Variants in SEC22A observed in about 807,000 individuals in gnomAD.
SEC22A encodes the protein SEC22 homolog A, vesicle trafficking protein, also known as vesicle-trafficking protein SEC22a.
Under a neutral mutation model 35.3 loss-of-function variants are expected in SEC22A, and 22 were observed. That is an observed-to-expected ratio of 0.62 (90% CI 0.45 to 0.89). SEC22A has a LOEUF of 0.89. SEC22A is among the 40% of genes least tolerant of loss of function. The pLI is 0.00. For synonymous variants in SEC22A, 119 were observed against 129.5 expected (o/e 0.92, Z 0.55); for missense variants, 354 against 362.5 (o/e 0.98, Z 0.19).
chr3:123,259,734 C>T, intron 6 of SEC22A, 145 bp downstream of exon 6: 1 of 655,904 alleles, frequency 1.5e-6, no homozygotes, highest in East Asian at 2.7e-5. Context: ...AACTTTGTGA[C>T]CTATGTCTCC....
chr3:123,268,369 T>C (rs749549054), intron 6 of SEC22A, among the ~76,000 whole-genome samples: 1 of 152,196 alleles, frequency 6.6e-6, no homozygotes, highest in Non-Finnish European at 1.5e-5. Flanking sequence ...CTGGGATATA[T>C]GAAGCAAAAA....
intron 6 of SEC22A, among the ~76,000 whole-genome samples, chr3:123,260,049 T>C (rs1291054160): frequency 7.0e-6 from 1 of 143,268 alleles, no homozygotes; most frequent in Non-Finnish European, 1.5e-5. Context: ...GGAGAATTGC[T>C]TGAACCCAGG....
chr3:123,204,353 A>G (rs749194941), intron 1 of SEC22A, among the ~76,000 whole-genome samples: 1 of 152,224 alleles, frequency 6.6e-6, no homozygotes, highest in Non-Finnish European at 1.5e-5. Flanking sequence ...TGGTACTTGG[A>G]TGACTGAAGA....
intron 5 of SEC22A, among the ~76,000 whole-genome samples, chr3:123,256,508 C>T (rs1937735578): frequency 1.3e-5 from 2 of 152,174 alleles, no homozygotes; most frequent in Non-Finnish European, 2.9e-5. Flanking sequence ...CTTTGATTCT[C>T]TTCCTACCTT....
Position 123,209,369 on chromosome 3 carries a change from G to A in SEC22A, c.152G>A (p.Cys51Tyr). 6.2e-7 allele frequency: 1 copy of A among 1,613,736 alleles called. No homozygotes were observed. The highest frequency in any genetic ancestry group is 8.5e-7 in the Non-Finnish European group (1 of 1,179,772). Reference protein sequence around the residue: ...SRKLAQLPDRCTLKTGHYNIN... With the variant: ...SRKLAQLPDRYTLKTGHYNIN... The stretch of plus-strand genomic sequence containing the variant: ...AAACTTGCTCAACTTCCTGATAGAT[G>A]TACACTGAAAACTGGACATTATAAC... The change falls in exon 2 of 7, where the codon TGT becomes TAT. Residue 51 changes from cysteine to tyrosine, a missense_variant. Transcript: ENST00000492595.
At chr3:123,207,922 T>C (rs1009138076) in intron 1 of SEC22A, among the ~76,000 whole-genome samples, 1 of 152,244 alleles carries the variant, frequency 6.6e-6, no homozygotes, top group Non-Finnish European at 1.5e-5. Context: ...GGATTTATTT[T>C]AAATAATTTT....
intron 2 of SEC22A, among the ~76,000 whole-genome samples, chr3:123,219,346 G>C (rs1296209876): frequency 6.6e-6 from 1 of 152,106 alleles, no homozygotes; most frequent in African/African-American, 2.4e-5. Flanking sequence ...TTAATTTCGG[G>C]AATAAAATAG....
intron 4 of SEC22A, among the ~76,000 whole-genome samples, chr3:123,241,788 A>G (rs1281633485): frequency 6.6e-6 from 1 of 152,158 alleles, no homozygotes; most frequent in Non-Finnish European, 1.5e-5. Context: ...TCATATACAC[A>G]ATGGAGTACT....
At chr3:123,232,181 A>C (rs143343216) in intron 4 of SEC22A, among the ~76,000 whole-genome samples, 55 of 152,328 alleles carry the variant, frequency 3.6e-4, no homozygotes, top group African/African-American at 1.3e-3. Flanking sequence ...TGGAGGTTGC[A>C]GTGAGCTGAG....
Position 123,223,658 on chromosome 3 carries a change from C to T in SEC22A, c.282C>T (p.Phe94=), listed in dbSNP as rs766004104. 1 of 1,612,920 alleles carries T rather than the reference C, an allele frequency of 6.2e-7. No homozygotes were observed. The highest frequency in any genetic ancestry group is 1.1e-5 in the South Asian group (1 of 91,060). ...FSFLDELQKE[F]ITTYNMMKTN... is the part of the protein sequence containing the mutation. Reference sequence around the variant, plus strand: ...TCCTGGATGAGCTTCAGAAGGAGTTCATTACTACTTATAACATGATGAAGA... The same window carrying T: ...TCCTGGATGAGCTTCAGAAGGAGTTTATTACTACTTATAACATGATGAAGA... Residue 94 remains phenylalanine, a synonymous_variant, in exon 3 of 7, where the codon TTC becomes TTT. Coordinates refer to ENST00000492595, the MANE Select transcript of SEC22A (RefSeq NM_012430.5).
intron 1 of SEC22A, chr3:123,208,313 G>A (rs1280561398): frequency 1.3e-5 from 2 of 152,074 alleles, no homozygotes; most frequent in African/African-American, 4.8e-5. Flanking sequence ...TATTTGAGTG[G>A]AAGAATGTCT....
intron 1 of SEC22A, among the ~76,000 whole-genome samples, chr3:123,203,349 A>G (rs1936790064): frequency 6.6e-6 from 1 of 152,138 alleles, no homozygotes; most frequent in South Asian, 2.1e-4. Flanking sequence ...TAAATGAGGT[A>G]ATGTGTATAA....
chr3:123,250,194 G>A (rs1476514024), intron 5 of SEC22A, among the ~76,000 whole-genome samples: 2 of 152,114 alleles, frequency 1.3e-5, no homozygotes, highest in African/African-American at 2.4e-5. Flanking sequence ...GATGGATCAC[G>A]AGGTCAAGAG....
At position 123,223,946 on chromosome 3, in the gene SEC22A, G is replaced by A. The variant is rs193079614; in HGVS notation, c.346+224G>A. On this transcript the variant is annotated intron_variant, in intron 3 of 6. Transcript: ENST00000492595. ...GTGAGTATTGGTCCGAAGAATTAAT[G>A]CCAGAGGATAACTTCTCAATGAGAA... Among the ~76,000 whole-genome samples, 4 of 152,308 alleles carry A rather than the reference G, an allele frequency of 2.6e-5. No individual in the cohort carries two copies. In the East Asian group the frequency reaches 7.7e-4, roughly 29 times the overall value.
intron 4 of SEC22A, among the ~76,000 whole-genome samples, chr3:123,243,626 C>T (rs1003006737): frequency 7.9e-5 from 12 of 152,236 alleles, no homozygotes; most frequent in Admixed American, 2.6e-4. Flanking sequence ...TCTGTTTTAT[C>T]TCTTTTATAA....
intron 6 of SEC22A, among the ~76,000 whole-genome samples, chr3:123,265,651 G>GT (rs990102227): frequency 6.0e-4 from 92 of 152,116 alleles, no homozygotes; most frequent in African/African-American, 2.0e-3. Flanking sequence ...TCTCTACTAT[G>GT]TTTTTTCTAG....
At chr3:123,202,377 C>T (rs1456702116) in intron 1 of SEC22A, among the ~76,000 whole-genome samples, 1 of 152,208 alleles carries the variant, frequency 6.6e-6, no homozygotes, top group Non-Finnish European at 1.5e-5. Flanking sequence ...ACACGGTGAT[C>T]TACCTGTGTA....
At chr3:123,225,933 AGTG>A (rs1937211901) in intron 4 of SEC22A, among the ~76,000 whole-genome samples, 1 of 99,110 alleles carries the variant, frequency 1.0e-5, no homozygotes, top group Non-Finnish European at 2.2e-5. Context: ...CCCACAAATG[AGTG>A]AGAATATGTA....
chr3:123,253,060 A>G (rs1038026910), intron 5 of SEC22A, among the ~76,000 whole-genome samples: 1 of 152,224 alleles, frequency 6.6e-6, no homozygotes, highest in African/African-American at 2.4e-5. Flanking sequence ...AATTACATTA[A>G]TTAGGCTAAT....
Sources: allele counts gnomAD v4.1 joint callset (sites outside exome capture counted in the v4.1 genomes callset), GRCh38; gene constraint gnomAD v4.1.1; transcripts MANE v1.5; gene names NCBI Gene and HGNC (gene_info 2026-07-23, HGNC 2026-07-21).